PAK3: variants seen among roughly 807,000 people sequenced by gnomAD.
PAK3 encodes the protein p21 (RAC1) activated kinase 3, also known as serine/threonine-protein kinase PAK 3.
In PAK3, 4 loss-of-function variants were observed where a neutral mutation model predicts 41.0. The ratio of observed to expected loss-of-function variants is 0.10; its 90% CI spans 0.05 to 0.22. The LOEUF is 0.22. Ranked by LOEUF, PAK3 falls within the 10% of genes least tolerant of loss-of-function variation. PAK3 has a pLI of 1.00. For synonymous variants in PAK3, 146 were observed against 139.6 expected (o/e 1.05, Z -0.32); for missense variants, 205 against 409.9 (o/e 0.50, Z 4.32).
chrX:111,081,282 T>A (rs2092832728), intron 1 of PAK3, among the ~76,000 whole-genome samples: 1 of 111,259 alleles, frequency 9.0e-6, no homozygotes, highest in African/African-American at 3.3e-5. Flanking sequence ...CGCTTCAGCA[T>A]TCAAACTCTT....
At chrX:110,964,280 A>C (rs2091038228) in intron 1 of PAK3, among the ~76,000 whole-genome samples, 1 of 112,102 alleles carries the variant, frequency 8.9e-6, no homozygotes, top group African/African-American at 3.2e-5. Context: ...GTGTGAGAAA[A>C]TGTGAGATCC....
chrX:110,951,039 C>T (rs1485618540), intron 1 of PAK3, among the ~76,000 whole-genome samples: 1 of 111,859 alleles, frequency 8.9e-6, no homozygotes, highest in Non-Finnish European at 1.9e-5. Flanking sequence ...TCATTGAGTA[C>T]TAGTGAGGTT....
At chrX:111,163,842 C>A in intron 10 of PAK3, 115 bp downstream of exon 10, 1 of 603,241 alleles carries the variant, frequency 1.7e-6, no homozygotes. Flanking sequence ...CCAGACTTCC[C>A]AAAATCATGA....
At chrX:111,028,238 A>T (rs941476213) in intron 1 of PAK3, among the ~76,000 whole-genome samples, 1 of 107,575 alleles carries the variant, frequency 9.3e-6, no homozygotes, top group Admixed American at 1.0e-4. Context: ...GGCTTTGGGG[A>T]CTTGGGGGAA....
intron 1 of PAK3, among the ~76,000 whole-genome samples, chrX:111,058,371 G>A (rs1603045988): frequency 9.0e-6 from 1 of 111,726 alleles, no homozygotes; most frequent in East Asian, 2.8e-4. Flanking sequence ...GTGTGTTAGA[G>A]CCATGTTAGT....
chrX:110,962,586 T>A (rs748050114), intron 1 of PAK3, among the ~76,000 whole-genome samples: 50 of 112,582 alleles, frequency 4.4e-4, no homozygotes, highest in Non-Finnish European at 8.4e-4. Flanking sequence ...CTTATAGCAG[T>A]GGTTTTCAAG....
chrX:110,954,409 AGGGAACTAAG>A (rs1569495941), intron 1 of PAK3, among the ~76,000 whole-genome samples: 5 of 112,390 alleles, frequency 4.4e-5, no homozygotes. Context: ...TTTACAGAGG[AGGGAACTAAG>A]GCTCAGAGCA....
rs1342344869 is a variant in PAK3, at chrX:111,068,045, G to A, written c.-27-55032G>A. Among the ~76,000 whole-genome samples, 3 of 110,198 alleles carry A rather than the reference G, an allele frequency of 2.7e-5. No homozygotes were observed. In the East Asian group the frequency reaches 8.5e-4, roughly 31 times the overall value. On this transcript the variant is annotated intron_variant, in intron 1 of 14. Transcript: ENST00000425146. ...TTATTTTTCTAAAAATTTTCTCATT[G>A]AAACATATTAGTTTAAAATTCTATG...
chrX:111,162,690 A>C (rs187574275), intron 8 of PAK3, among the ~76,000 whole-genome samples: 100 of 111,645 alleles, frequency 9.0e-4, no homozygotes, highest in Non-Finnish European at 4.9e-4. Flanking sequence ...ATTACACTTC[A>C]TGGTTTTTTA....
intron 1 of PAK3, among the ~76,000 whole-genome samples, chrX:111,086,712 G>A (rs1006915031): frequency 9.0e-6 from 1 of 111,623 alleles, no homozygotes; most frequent in Non-Finnish European, 1.9e-5. Flanking sequence ...GTTTGTGGGG[G>A]ATGGCACCAT....
chrX:110,947,375 T>C (rs1449081384), intron 1 of PAK3, among the ~76,000 whole-genome samples: 1 of 111,853 alleles, frequency 8.9e-6, no homozygotes, highest in Non-Finnish European at 1.9e-5. Context: ...GCAGTATCTC[T>C]AAGATACATT....
chrX:111,213,791 G>A (rs1426799966), intron 16 of PAK3, among the ~76,000 whole-genome samples: 2 of 112,262 alleles, frequency 1.8e-5, no homozygotes, highest in East Asian at 5.6e-4. Context: ...GAATAAAGAT[G>A]TTTGGGAGGA....
chrX:111,078,432 T>TTGATCTA (rs1250141854), intron 1 of PAK3, among the ~76,000 whole-genome samples: 1 of 111,294 alleles, frequency 9.0e-6, no homozygotes, highest in African/African-American at 3.3e-5. Flanking sequence ...ATCTATTATA[T>TTGATCTA]TGATCTATGA....
intron 11 of PAK3, among the ~76,000 whole-genome samples, chrX:111,184,988 A>G (rs184536886): frequency 3.3e-4 from 37 of 111,866 alleles, no homozygotes; most frequent in Non-Finnish European, 7.5e-5. Context: ...GTTTTCCACA[A>G]TGGTTGAACT....
intron 1 of PAK3, among the ~76,000 whole-genome samples, chrX:111,008,154 C>T (rs1042658732): frequency 6.2e-5 from 7 of 112,145 alleles, no homozygotes; most frequent in Non-Finnish European, 1.3e-4. Flanking sequence ...TAGTTCAAAT[C>T]CAGTCTAGTC....
intron 1 of PAK3, among the ~76,000 whole-genome samples, chrX:111,019,159 G>C (rs1370944902): frequency 9.0e-6 from 1 of 110,854 alleles, no homozygotes; most frequent in Admixed American, 9.6e-5. Context: ...AAAACATAGG[G>C]GAAAATCTTC....
rs1239859673 is a variant in PAK3, at chrX:111,221,619, G to GT, written c.*1178dup. On this transcript the variant is annotated 3_prime_UTR_variant, in exon 18 of 18. Coordinates refer to ENST00000372007, the MANE Select transcript of PAK3 (RefSeq NM_002578.5). Reference sequence around the variant, plus strand: ...TTGACAATTTATAACGTTTAAAAAAGTTTTTTAAAGATCTAGAGAAAGGTG... The same window carrying GT: ...TTGACAATTTATAACGTTTAAAAAAGTTTTTTTAAAGATCTAGAGAAAGGTG... 1.8e-5 allele frequency: 2 copies of GT among 111,816 alleles called. No homozygotes were observed. Among genetic ancestry groups the GT allele is most frequent in the Admixed American group, 9.5e-5 (1 of 10,537 alleles). The allele number at this position is 111,816 out of a possible 1,213,427, so 9.2% of individuals were successfully genotyped here.
At chrX:111,032,353 G>A (rs1460433560) in intron 1 of PAK3, among the ~76,000 whole-genome samples, 1 of 111,716 alleles carries the variant, frequency 9.0e-6, no homozygotes, top group East Asian at 2.8e-4. Flanking sequence ...TTTAAAAAAA[G>A]GAACAGTATG....
chrX:110,984,947 G>A (rs2091516262), intron 1 of PAK3, among the ~76,000 whole-genome samples: 1 of 110,538 alleles, frequency 9.0e-6, no homozygotes, highest in Admixed American at 9.6e-5. Context: ...TGGGCCATGT[G>A]GTGAAACCCC....
Sources: gnomAD v4.1 joint callset for allele counts (sites outside exome capture counted in the v4.1 genomes callset) on GRCh38, gnomAD v4.1.1 for gene constraint, MANE v1.5 for transcripts, NCBI Gene and HGNC (gene_info 2026-07-23, HGNC 2026-07-21) for gene names.